Variants in GSE1 observed in about 807,000 individuals in gnomAD.
GSE1 encodes the protein genetic suppressor element 1.
Under a neutral mutation model 112.6 loss-of-function variants are expected in GSE1, and 32 were observed. The ratio of observed to expected loss-of-function variants is 0.28; its 90% CI spans 0.21 to 0.38. The LOEUF is 0.38. Among genes scored for constraint, GSE1 ranks in the 10% least tolerant of loss-of-function variants. GSE1 has a pLI of 1.00. For missense variants in GSE1, 2,348 were observed against 1,699.2 expected (o/e 1.38, Z -6.71); for synonymous variants, 1,115 against 735.6 (o/e 1.52, Z -8.35).
chr16:85,588,670 C>T (rs919947471), intron 1 of GSE1, among the ~76,000 whole-genome samples: 1 of 152,222 alleles, frequency 6.6e-6, no homozygotes, highest in African/African-American at 2.4e-5. Context: ...CTGTATTTCC[C>T]GACTTGGCGG....
At chr16:85,275,352 C>T (rs887862932) in intron 1 of GSE1, among the ~76,000 whole-genome samples, 3 of 152,194 alleles carry the variant, frequency 2.0e-5, no homozygotes, top group Admixed American at 6.5e-5. Flanking sequence ...GAAGCCCGGG[C>T]AGAGGGCACC....
At chr16:85,625,824 G>C (rs529617030) in intron 1 of GSE1, among the ~76,000 whole-genome samples, 19 of 152,160 alleles carry the variant, frequency 1.2e-4, no homozygotes, top group Non-Finnish European at 2.6e-4. Context: ...GTGGTTGACC[G>C]GGGCCCTGGA....
At chr16:85,351,219 T>C (rs1044657877) in intron 1 of GSE1, among the ~76,000 whole-genome samples, 1 of 152,196 alleles carries the variant, frequency 6.6e-6, no homozygotes, top group Admixed American at 6.5e-5. Flanking sequence ...ACTGGCTGCA[T>C]GAACAGCCAA....
intron 1 of GSE1, among the ~76,000 whole-genome samples, chr16:85,343,061 C>G (rs761112307): frequency 2.6e-5 from 4 of 152,004 alleles, no homozygotes; most frequent in Non-Finnish European, 5.9e-5. Context: ...CTGGATGTGC[C>G]TCCCTCAGCC....
intron 2 of GSE1, among the ~76,000 whole-genome samples, chr16:85,435,319 C>A (rs561596436): frequency 6.6e-6 from 1 of 152,178 alleles, no homozygotes; most frequent in East Asian, 1.9e-4. Context: ...CCCCCTCCCC[C>A]ACTGTGGTAG....
chr16:85,258,892 G>A lies in GSE1; in HGVS notation c.2283+87085G>A, dbSNP rs536417433. Among the ~76,000 whole-genome samples, 8 of 152,226 alleles carry A rather than the reference G, an allele frequency of 5.3e-5. No individual in the cohort carries two copies. In the East Asian group the frequency reaches 7.7e-4, roughly 15 times the overall value. On this transcript the variant is annotated intron_variant, in intron 1 of 2. Coordinates refer to the GSE1 transcript ENST00000637419. The stretch of plus-strand genomic sequence containing the variant: ...CCCATTGTTCTGCCAACCTCCCCCC[G>A]CCAGCTGCCCTGCCGCGTGGTTGCT...
chr16:85,409,196 C>T (rs374673362), intron 2 of GSE1, among the ~76,000 whole-genome samples: 4 of 33,106 alleles, frequency 1.2e-4, no homozygotes, highest in Admixed American at 2.6e-4. Context: ...TAATCCTCAC[C>T]GTTACACTCA....
intron 1 of GSE1, among the ~76,000 whole-genome samples, chr16:85,300,779 GGT>G (rs763469448): frequency 4.0e-5 from 6 of 151,660 alleles, no homozygotes; most frequent in Admixed American, 6.5e-5. Flanking sequence ...CTGTGTGGAT[GGT>G]GAGGCAGGAT....
rs151194801 is a variant in GSE1 at position 85,655,727 on chromosome 16, A to T, written c.799A>T (p.Met267Leu). Residue 267 changes from methionine (M) to leucine (L), a missense_variant and splice_region_variant, in exon 6 of 16, where the codon ATG becomes TTG. By Grantham distance (15) the Met-to-Leu change is conservative. Transcript: ENST00000253458. ...PHPFPHPAFR[M>L]DDSYCLSALR... ...CACAGCCCCGTCTTCTCTGCACAGG[A>T]TGGACGACTCCTACTGCCTGTCTGC... is the stretch of plus-strand genomic sequence containing the variant. 4,558 of 1,598,060 alleles carry T rather than the reference A, an allele frequency of 2.9e-3. 15 individuals carry two copies. The highest frequency in any genetic ancestry group is 8.1e-3 in the South Asian group (718 of 88,602).
At chr16:85,554,987 C>T, upstream of GSE1, 1 of 985,338 alleles carries the variant, frequency 1.0e-6, no homozygotes, top group South Asian at 4.7e-5. Context: ...CGCTCCCCGT[C>T]CGCATGGATC....
At chr16:85,302,585 G>A (rs1249980816) in intron 1 of GSE1, among the ~76,000 whole-genome samples, 3 of 152,164 alleles carry the variant, frequency 2.0e-5, no homozygotes, top group Admixed American at 6.5e-5. Context: ...GCTCTGAAAT[G>A]CACGCATGCC....
At chr16:85,383,584 A>ACTC (rs201905329) in intron 2 of GSE1, among the ~76,000 whole-genome samples, 1 of 142,910 alleles carries the variant, frequency 7.0e-6, no homozygotes, top group Non-Finnish European at 1.5e-5. Flanking sequence ...TGACACTCAT[A>ACTC]CTCCTCCTCC....
In GSE1 at chr16:85,661,668, C is replaced by T. The variant is rs1157753661; in HGVS notation, c.2163C>T (p.Asp721=). The change falls in exon 9 of 16, where the codon GAC becomes GAT. Residue 721 remains aspartate, a synonymous_variant. Coordinates refer to ENST00000253458, the MANE Select transcript of GSE1 (RefSeq NM_014615.5). Reference sequence around the variant, plus strand: ...GGCCCCCAGTGCCACGGGCCCCCGACCCTGCCTACATCTATGATGAGTTCC... The same window carrying T: ...GGCCCCCAGTGCCACGGGCCCCCGATCCTGCCTACATCTATGATGAGTTCC... ...PYRPPVPRAP[D]PAYIYDEFLQ... is the part of the protein sequence containing the mutation. The T allele has an allele frequency of 6.8e-6, 11 of 1,610,914 alleles. No homozygotes were observed. In the Middle Eastern group the frequency reaches 5.1e-4, roughly 75 times the overall value.
chr16:85,391,577 G>A (rs2047839656), intron 2 of GSE1, among the ~76,000 whole-genome samples: 2 of 152,164 alleles, frequency 1.3e-5, no homozygotes, highest in Admixed American at 6.5e-5. Context: ...TCACGTGGCC[G>A]CCTTTCCTCT....
intron 3 of GSE1, among the ~76,000 whole-genome samples, chr16:85,653,005 G>A (rs576258964): frequency 6.6e-6 from 1 of 151,562 alleles, no homozygotes; most frequent in African/African-American, 2.4e-5. Flanking sequence ...AGCTCAGAGG[G>A]GCCAGCGTGG....
chr16:85,211,639 T>C (rs1161450144), intron 1 of GSE1, among the ~76,000 whole-genome samples: 1 of 152,010 alleles, frequency 6.6e-6, no homozygotes, highest in Non-Finnish European at 1.5e-5. Context: ...CTTGGAGCTG[T>C]GTGGTTCCCA....
At chr16:85,342,076 CA>C (rs1297079565) in intron 1 of GSE1, among the ~76,000 whole-genome samples, 1 of 151,940 alleles carries the variant, frequency 6.6e-6, no homozygotes, top group Non-Finnish European at 1.5e-5. Context: ...GCCCGGTGGC[CA>C]GCCCTCCAGC....
At chr16:85,553,361 G>A (rs528434440), upstream of GSE1, among the ~76,000 whole-genome samples, 7 of 151,428 alleles carry the variant, frequency 4.6e-5, no homozygotes, top group South Asian at 1.0e-3. Context: ...ACGCAGCTCC[G>A]GAAACAAAGG....
At chr16:85,610,872 A>G (rs375510053), upstream of GSE1, among the ~76,000 whole-genome samples, 10 of 152,324 alleles carry the variant, frequency 6.6e-5, no homozygotes, top group East Asian at 1.7e-3. Flanking sequence ...CCATCTCGCA[A>G]TCCAGGGGAG....
Sources: allele counts gnomAD v4.1 joint callset (sites outside exome capture counted in the v4.1 genomes callset), GRCh38; gene constraint gnomAD v4.1.1; transcripts MANE v1.5; gene names NCBI Gene and HGNC (gene_info 2026-07-23, HGNC 2026-07-21).